Variants in PUM2 observed in about 807,000 individuals in gnomAD.
The protein encoded by PUM2 is pumilio RNA binding family member 2.
A neutral mutation model predicts 124.5 loss-of-function variants in PUM2; 57 were observed. The observed-to-expected ratio is 0.46, with a 90% CI of 0.37 to 0.57. The LOEUF (loss-of-function observed/expected upper bound fraction) is 0.57. PUM2 is among the 20% of genes least tolerant of loss of function. PUM2 has a pLI of 0.00. For synonymous variants in PUM2, 460 were observed against 446.1 expected (o/e 1.03, Z -0.39); for missense variants, 1,065 against 1,290.6 (o/e 0.83, Z 2.68).
rs150772665 is a variant in PUM2, at chr2:20,300,683, C to T, written c.884-3005G>A. Among the ~76,000 whole-genome samples, 1,161 of 151,984 alleles carry T rather than the reference C, an allele frequency of 7.6e-3. 11 individuals carry two copies. Among genetic ancestry groups the T allele is most frequent in the African/African-American group, 0.027 (1,111 of 41,444 alleles). Reference sequence around the variant, plus strand: ...GGTTAGTGAAAGGAAAATAAATCTCCCGAAAATCACCAAGCCAAAAAGAAA... The same window carrying T: ...GGTTAGTGAAAGGAAAATAAATCTCTCGAAAATCACCAAGCCAAAAAGAAA... On this transcript the variant is annotated intron_variant, in intron 7 of 20. Coordinates refer to ENST00000361078, the MANE Select transcript of PUM2 (RefSeq NM_015317.5).
chr2:20,268,490 C>A (rs935236464), intron 13 of PUM2, among the ~76,000 whole-genome samples: 3 of 152,018 alleles, frequency 2.0e-5, no homozygotes, highest in Non-Finnish European at 2.9e-5. Context: ...TGGTGGCGTA[C>A]GCCTGTAGTC....
At chr2:20,262,952 C>A (rs569472239) in intron 14 of PUM2, among the ~76,000 whole-genome samples, 1 of 152,162 alleles carries the variant, frequency 6.6e-6, no homozygotes, top group African/African-American at 2.4e-5. Context: ...ATGGAGGGGG[C>A]CCTGCTATAT....
At chr2:20,341,164 C>T (rs1281257631) in intron 1 of PUM2, among the ~76,000 whole-genome samples, 1 of 152,146 alleles carries the variant, frequency 6.6e-6, no homozygotes, top group Non-Finnish European at 1.5e-5. Flanking sequence ...TACCTGCGCT[C>T]TGCACAGCCC....
At chr2:20,303,392 A>G (rs966373510) in intron 7 of PUM2, among the ~76,000 whole-genome samples, 4 of 150,188 alleles carry the variant, frequency 2.7e-5, no homozygotes, top group African/African-American at 9.8e-5. Flanking sequence ...ACAGAAAAGT[A>G]CCATTTACTT....
intron 1 of PUM2, among the ~76,000 whole-genome samples, chr2:20,346,112 A>T (rs1292008912): frequency 2.0e-5 from 3 of 152,188 alleles, no homozygotes; most frequent in African/African-American, 7.2e-5. Flanking sequence ...AAAAAGTAAT[A>T]AATTACACTT....
At chr2:20,336,148 T>C (rs1330645303) in intron 1 of PUM2, among the ~76,000 whole-genome samples, 2 of 152,208 alleles carry the variant, frequency 1.3e-5, no homozygotes, top group Non-Finnish European at 2.9e-5. Context: ...TGACAAGCTT[T>C]AGAAAACTGT....
At chr2:20,297,815 C>CTGT in intron 7 of PUM2, 137 bp from the exon 8 acceptor site, 1 of 815,358 alleles carries the variant, frequency 1.2e-6, no homozygotes. Flanking sequence ...CAAATTTTTA[C>CTGT]TAAGTGACCT....
intron 1 of PUM2, among the ~76,000 whole-genome samples, chr2:20,346,197 T>A (rs1247528659): frequency 6.6e-6 from 1 of 152,192 alleles, no homozygotes; most frequent in Non-Finnish European, 1.5e-5. Flanking sequence ...CAAAACATAA[T>A]TCTGTTCATG....
At chr2:20,304,897 C>G (rs1030978425) in intron 7 of PUM2, among the ~76,000 whole-genome samples, 2 of 152,024 alleles carry the variant, frequency 1.3e-5, no homozygotes, top group African/African-American at 4.8e-5. Context: ...AATGTGATTA[C>G]TAAATAACTG....
chr2:20,290,866 T>C (rs1673898657), intron 9 of PUM2, 76 bp from the exon 10 acceptor site: 1 of 1,190,146 alleles, frequency 8.4e-7, no homozygotes, highest in Non-Finnish European at 1.1e-6. Context: ...CAACTGTGTA[T>C]TTATTACAAA....
At chr2:20,256,599 TTTTAATGG>T (rs1664820033) in intron 16 of PUM2, among the ~76,000 whole-genome samples, 1 of 152,200 alleles carries the variant, frequency 6.6e-6, no homozygotes, top group Admixed American at 6.5e-5. Flanking sequence ...AAGGAATTAT[TTTTAATGG>T]CTGAGTGAGT....
At chr2:20,292,386 G>C (rs116183849) in intron 9 of PUM2, among the ~76,000 whole-genome samples, 1 of 151,414 alleles carries the variant, frequency 6.6e-6, no homozygotes, top group African/African-American at 2.4e-5. Flanking sequence ...TTTCTGAGAC[G>C]AAGTCTCGCT....
chr2:20,269,745 T>C (rs1395243122), intron 13 of PUM2, among the ~76,000 whole-genome samples: 1 of 152,202 alleles, frequency 6.6e-6, no homozygotes, highest in Non-Finnish European at 1.5e-5. Context: ...TAAAAATCTG[T>C]TGTTTCCGTT....
intron 7 of PUM2, 138 bp from the exon 8 acceptor site, chr2:20,297,816 T>C: frequency 6.2e-6 from 5 of 810,422 alleles, no homozygotes; most frequent in Non-Finnish European, 9.4e-6. Flanking sequence ...AAATTTTTAC[T>C]AAGTGACCTT....
chr2:20,321,700 A>C (rs1682414966), intron 2 of PUM2, among the ~76,000 whole-genome samples: 1 of 152,226 alleles, frequency 6.6e-6, no homozygotes, highest in African/African-American at 2.4e-5. Flanking sequence ...TTGCCCCTGG[A>C]GAATCTTTTA....
chr2:20,260,002 T>G (rs1244070911), intron 15 of PUM2, among the ~76,000 whole-genome samples: 1 of 152,238 alleles, frequency 6.6e-6, no homozygotes, highest in African/African-American at 2.4e-5. Context: ...GGTATCTCAT[T>G]GTGAGATTGA....
At chr2:20,322,359 G>A (rs918214694) in intron 2 of PUM2, among the ~76,000 whole-genome samples, 6 of 152,074 alleles carry the variant, frequency 3.9e-5, no homozygotes, top group Admixed American at 3.9e-4. Flanking sequence ...GAGGTGAGAA[G>A]ATAGTTTGAG....
chr2:20,267,922 T>G (rs982479609), intron 13 of PUM2, among the ~76,000 whole-genome samples: 3 of 152,222 alleles, frequency 2.0e-5, no homozygotes, highest in South Asian at 2.1e-4. Flanking sequence ...TTTAGCCTTA[T>G]GTAAACTATG....
chr2:20,323,649 T>G (rs571961994), intron 2 of PUM2, among the ~76,000 whole-genome samples: 2 of 152,042 alleles, frequency 1.3e-5, no homozygotes, highest in African/African-American at 2.4e-5. Flanking sequence ...TTGAGTCAGT[T>G]TGACTATCCT....
Sources: gnomAD v4.1 joint callset for allele counts (sites outside exome capture counted in the v4.1 genomes callset) on GRCh38, gnomAD v4.1.1 for gene constraint, MANE v1.5 for transcripts, NCBI Gene and HGNC (gene_info 2026-07-23, HGNC 2026-07-21) for gene names.